The following MTUS1 variants were observed in gnomAD, a reference collection of about 807,000 sequenced individuals.
MTUS1 encodes microtubule-associated tumor suppressor 1.
MTUS1 carries 109 observed loss-of-function variants against 120.8 expected under a neutral mutation model. The ratio of observed to expected loss-of-function variants is 0.90; its 90% CI spans 0.77 to 1.06. The LOEUF is 1.06. Among genes scored for constraint, MTUS1 ranks in the 50% least tolerant of loss-of-function variants. The probability of loss-of-function intolerance (pLI) is 0.00; values close to 1 mark genes in which losing one functional copy is unlikely to be tolerated. For missense variants in MTUS1, 2,210 were observed against 1,486.3 expected (o/e 1.49, Z -8.01); for synonymous variants, 737 against 550.5 (o/e 1.34, Z -4.74).
intron 6 of MTUS1, among the ~76,000 whole-genome samples, chr8:17,692,898 C>T (rs192817597): frequency 6.6e-6 from 1 of 152,110 alleles, no homozygotes; most frequent in Non-Finnish European, 1.5e-5. Context: ...ATATTTTGTT[C>T]TGATACTACC....
At chr8:17,656,660 G>A (rs1017936586) in intron 8 of MTUS1, among the ~76,000 whole-genome samples, 6 of 150,932 alleles carry the variant, frequency 4.0e-5, no homozygotes, top group Admixed American at 2.0e-4. Flanking sequence ...TCAATGCAGT[G>A]GTCAAGAAAA....
intron 1 of MTUS1, among the ~76,000 whole-genome samples, chr8:17,762,131 T>C (rs114187511): frequency 0.042 from 6,407 of 151,950 alleles, 172 homozygotes; most frequent in African/African-American, 0.076. Flanking sequence ...AATACAAAAA[T>C]TGCCAGGTAT....
At chr8:17,653,074 T>C (rs1343132024) in intron 12 of MTUS1, 112 bp downstream of exon 12, 3 of 644,802 alleles carry the variant, frequency 4.7e-6, no homozygotes, top group Non-Finnish European at 8.1e-6. Context: ...TTGCCAGACA[T>C]GAGAAGGATT....
intron 3 of MTUS1, among the ~76,000 whole-genome samples, chr8:17,740,635 A>C (rs866471658): frequency 6.6e-6 from 1 of 152,222 alleles, no homozygotes; most frequent in Non-Finnish European, 1.5e-5. Flanking sequence ...TGTAAAACAT[A>C]ATACAGTAGA....
At chr8:17,659,435 G>A (rs918122655) in intron 8 of MTUS1, among the ~76,000 whole-genome samples, 4 of 152,150 alleles carry the variant, frequency 2.6e-5, no homozygotes, top group South Asian at 2.1e-4. Flanking sequence ...AGTGGCTCAC[G>A]CCTGTAATCC....
intron 1 of MTUS1, among the ~76,000 whole-genome samples, chr8:17,756,809 TCC>T (rs1013301175): frequency 6.6e-6 from 1 of 152,032 alleles, no homozygotes. Flanking sequence ...CAGAATGCTC[TCC>T]CACTCTTGGT....
chr8:17,735,697 T>A (rs957785726), intron 3 of MTUS1, among the ~76,000 whole-genome samples: 4 of 152,284 alleles, frequency 2.6e-5, no homozygotes, highest in African/African-American at 9.6e-5. Context: ...AAGTTAGTGT[T>A]GCTCCTTTAC....
intron 1 of MTUS1, chr8:17,781,003 C>G (rs1411686668): frequency 6.6e-6 from 1 of 152,206 alleles, no homozygotes; most frequent in Non-Finnish European, 1.5e-5. Flanking sequence ...CTAGGAAACT[C>G]AATGACATTT....
At chr8:17,708,458 A>G (rs57348658) in intron 6 of MTUS1, among the ~76,000 whole-genome samples, 70,979 of 152,062 alleles carry the variant, frequency 0.47, 18,424 homozygotes, top group Middle Eastern at 0.65. Flanking sequence ...CCAAGTGTTG[A>G]CAAGGCTGTG....
At chr8:17,756,654 T>C in intron 1 of MTUS1, among the ~76,000 whole-genome samples, 1 of 132,388 alleles carries the variant, frequency 7.6e-6, no homozygotes. Flanking sequence ...CCTCTCCAAT[T>C]CATATGTCAA....
At chr8:17,722,648 C>G (rs944133294) in intron 4 of MTUS1, 1 of 809,108 alleles carries the variant, frequency 1.2e-6, no homozygotes, top group African/African-American at 1.9e-5. Context: ...TCAATGCCTT[C>G]TCTACAAAAA....
At chr8:17,776,139 G>A (rs1252271287) in intron 1 of MTUS1, among the ~76,000 whole-genome samples, 5 of 151,558 alleles carry the variant, frequency 3.3e-5, no homozygotes, top group South Asian at 4.2e-4. Flanking sequence ...GAACATAGTC[G>A]GGAGAAAAAA....
intron 6 of MTUS1, chr8:17,697,238 A>G: frequency 6.3e-7 from 1 of 1,596,932 alleles, no homozygotes; most frequent in Admixed American, 1.7e-5. Context: ...CACTAAACAG[A>G]GATCTATGCG....
intron 2 of MTUS1, among the ~76,000 whole-genome samples, chr8:17,744,671 G>A (rs1303161055): frequency 6.8e-6 from 1 of 147,638 alleles, no homozygotes; most frequent in African/African-American, 2.5e-5. Flanking sequence ...TAGTGGAGAT[G>A]GGGTTTCACC....
rs1365450975 is a variant in MTUS1 at position 17,644,094 on chromosome 8, AGG to A, written c.*1830_*1831del. ...GAACAACACAAGATTTACCATGCCT[AGG>A]GGATGAATGGCAAACCCAACTTTGG... On this transcript the variant is annotated 3_prime_UTR_variant, in exon 15 of 15. Transcript: ENST00000693296. The A allele has an allele frequency of 6.6e-6, 1 of 152,236 alleles. No homozygotes were observed. The highest frequency in any genetic ancestry group is 2.4e-5 in the African/African-American group (1 of 41,468). The allele number at this position is 152,236 out of a possible 1,614,324, so 9.4% of individuals were successfully genotyped here.
At chr8:17,654,008 G>T (rs1207536487) in intron 10 of MTUS1, 1 of 158,188 alleles carries the variant, frequency 6.3e-6, no homozygotes, top group East Asian at 1.9e-4. Flanking sequence ...GAAAGTCCTT[G>T]CTGAAGGTCA....
chr8:17,740,179 G>A (rs1223345779), intron 3 of MTUS1, among the ~76,000 whole-genome samples: 1 of 151,244 alleles, frequency 6.6e-6, no homozygotes, highest in Non-Finnish European at 1.5e-5. Flanking sequence ...TTGCACTCCA[G>A]CCTGATCAAC....
At chr8:17,705,773 T>C (rs538260897) in intron 6 of MTUS1, 137 of 152,332 alleles carry the variant, frequency 9.0e-4, no homozygotes, top group African/African-American at 3.3e-3. Context: ...ACTAAGTAAC[T>C]GCGGAAGGAC....
At chr8:17,646,661 C>A (rs757769194) in intron 14 of MTUS1, among the ~76,000 whole-genome samples, 1 of 152,056 alleles carries the variant, frequency 6.6e-6, no homozygotes, top group East Asian at 1.9e-4. Context: ...TGCAAATATT[C>A]GACATGTTTT....
Sources: allele counts gnomAD v4.1 joint callset (sites outside exome capture counted in the v4.1 genomes callset), GRCh38; gene constraint gnomAD v4.1.1; transcripts MANE v1.5; gene names NCBI Gene and HGNC (gene_info 2026-07-23, HGNC 2026-07-21).